Variants in UBE2F observed in about 807,000 individuals in gnomAD.
The protein encoded by UBE2F is ubiquitin conjugating enzyme E2 F (putative).
A neutral mutation model predicts 29.6 loss-of-function variants in UBE2F; 5 were observed. The observed-to-expected ratio is 0.17, with a 90% CI of 0.09 to 0.36. The LOEUF (loss-of-function observed/expected upper bound fraction) is 0.36, where lower values mean the gene tolerates loss of function less well. UBE2F is among the 10% of genes least tolerant of loss of function. The pLI is 1.00. For missense variants in UBE2F, 141 were observed against 228.5 expected, an observed-to-expected ratio of 0.62 and a Z score of 2.47; for synonymous variants, 66 against 81.8, an observed-to-expected ratio of 0.81 and a Z score of 1.04.
chr2:237,970,011 A>G (rs955860925), intron 1 of UBE2F, among the ~76,000 whole-genome samples: 1 of 152,170 alleles, frequency 6.6e-6, no homozygotes, highest in Non-Finnish European at 1.5e-5. Flanking sequence ...GAAATACACT[A>G]AATTGCCCAT....
intron 4 of UBE2F, among the ~76,000 whole-genome samples, chr2:238,009,074 T>C (rs1225826693): frequency 1.3e-5 from 2 of 152,266 alleles, no homozygotes; most frequent in African/African-American, 4.8e-5. Flanking sequence ...CTGCCTTCTG[T>C]ATTTTTTCCT....
At chr2:237,997,167 C>T (rs183099430) in intron 4 of UBE2F, among the ~76,000 whole-genome samples, 8 of 152,144 alleles carry the variant, frequency 5.3e-5, no homozygotes, top group Admixed American at 4.6e-4. Context: ...GTGGAGGTTG[C>T]AGTGAGCTGA....
At chr2:237,994,109 CT>C (rs34177204) in intron 3 of UBE2F, among the ~76,000 whole-genome samples, 88,008 of 122,174 alleles carry the variant, frequency 0.72, 31,608 homozygotes, top group East Asian at 0.94. Context: ...TCTTCTTCTT[CT>C]TTTTTTTTTT....
intron 5 of UBE2F, among the ~76,000 whole-genome samples, chr2:238,022,817 T>A (rs1378350521): frequency 1.3e-5 from 2 of 152,114 alleles, no homozygotes; most frequent in Non-Finnish European, 2.9e-5. Context: ...CATTGCTTGT[T>A]GGTCTAGCTG....
At chr2:238,016,699 C>T in intron 5 of UBE2F, 66 bp downstream of exon 5, 1 of 1,431,758 alleles carries the variant, frequency 7.0e-7, no homozygotes, top group Non-Finnish European at 9.7e-7. Context: ...CTGTGGCCCG[C>T]CACTGGCACA....
At chr2:238,030,407 A>G (rs1357024738) in intron 6 of UBE2F, 149 bp from the exon 7 acceptor site, 2 of 615,172 alleles carry the variant, frequency 3.3e-6, no homozygotes, top group Admixed American at 2.8e-5. Flanking sequence ...TGCCTTCCTC[A>G]GCAAGAGAAA....
chr2:237,976,734 A>C (rs1393736920), intron 2 of UBE2F, among the ~76,000 whole-genome samples: 1 of 152,138 alleles, frequency 6.6e-6, no homozygotes, highest in Non-Finnish European at 1.5e-5. Context: ...TAATACTACC[A>C]CAGTGGGGAT....
chr2:237,988,368 A>C (rs932872410), intron 3 of UBE2F, among the ~76,000 whole-genome samples: 1 of 152,020 alleles, frequency 6.6e-6, no homozygotes, highest in Non-Finnish European at 1.5e-5. Context: ...GAATCACTTG[A>C]ACCTGGGAGG....
At chr2:238,037,213 C>T (rs2064732005) in intron 9 of UBE2F, among the ~76,000 whole-genome samples, 1 of 152,112 alleles carries the variant, frequency 6.6e-6, no homozygotes, top group Non-Finnish European at 1.5e-5. Context: ...GACCGTTTAC[C>T]TAGAAACAAT....
rs775793394 is a variant in UBE2F, at chr2:238,040,399, T to C, written c.508-889T>C. 1.4e-4 allele frequency among the ~76,000 whole-genome samples: 22 copies of C among 152,154 alleles called. No homozygotes were observed. The highest frequency in any genetic ancestry group is 2.1e-4 in the Non-Finnish European group (14 of 68,022). On this transcript the variant is annotated intron_variant, in intron 9 of 9. Coordinates refer to ENST00000272930, the MANE Select transcript of UBE2F (RefSeq NM_080678.3). This position sits in a 1 kb window ranked among gnomAD's most constrained non-coding sequence, Gnocchi z 4.4. ...GAGGCTTAGACAGGAGGACTGAGGC[T>C]TAGCTAAGGAAATGGAGCTCATGCC... is the stretch of plus-strand genomic sequence containing the variant.
chr2:237,991,601 C>CTTTA (rs796466552), intron 3 of UBE2F, among the ~76,000 whole-genome samples: 1 of 30,892 alleles, frequency 3.2e-5, no homozygotes, highest in East Asian at 2.5e-3. Context: ...CTTTTCTTTT[C>CTTTA]TTTCTTTCTT....
intron 6 of UBE2F, 70 bp from the exon 7 acceptor site, chr2:238,030,486 G>A (rs2064548162): frequency 2.8e-6 from 3 of 1,067,892 alleles, no homozygotes; most frequent in African/African-American, 1.6e-5. Flanking sequence ...CACACCGAGA[G>A]GACTAGTTGG....
At chr2:237,991,591 C>CTTTT (rs2063588161) in intron 3 of UBE2F, among the ~76,000 whole-genome samples, 1 of 69,678 alleles carries the variant, frequency 1.4e-5, no homozygotes, top group Admixed American at 1.5e-4. Context: ...CTTAACCTTT[C>CTTTT]TTTTCTTTTC....
intron 1 of UBE2F, among the ~76,000 whole-genome samples, chr2:237,971,109 G>A (rs1048429718): frequency 1.3e-5 from 2 of 152,218 alleles, no homozygotes; most frequent in African/African-American, 4.8e-5. Flanking sequence ...AGAGACCTGG[G>A]TGAAAAATGG....
rs11293005 is a variant in UBE2F at position 237,996,476 on chromosome 2, G to GTTTTTTTTTTT, written c.214+1673_214+1683dup. On this transcript the variant is annotated intron_variant, in intron 4 of 9. Coordinates refer to ENST00000272930, the MANE Select transcript of UBE2F (RefSeq NM_080678.3). ...TGTTTCTTCCCCGCCTCCCCTCCGCGTTTTTTTTTTTTTTTTGAGACCAAG... is the reference window on the plus strand; with the variant it reads ...TGTTTCTTCCCCGCCTCCCCTCCGCGTTTTTTTTTTTTTTTTTTTTTTTTTTTGAGACCAAG... Among the ~76,000 whole-genome samples, 2 of 138,418 alleles carry GTTTTTTTTTTT rather than the reference G, an allele frequency of 1.4e-5. 1 individual carries two copies. The highest frequency in any genetic ancestry group is 5.3e-5 in the African/African-American group (2 of 37,942). 90.8% of individuals were successfully genotyped at this position (138,418 alleles called of 152,430 possible). A position where few individuals can be genotyped will look rare whatever the true frequency, so the allele number is the denominator to read the frequency against.
At chr2:238,017,525 C>T (rs545576709) in intron 5 of UBE2F, among the ~76,000 whole-genome samples, 3 of 152,070 alleles carry the variant, frequency 2.0e-5, no homozygotes, top group Non-Finnish European at 2.9e-5. Flanking sequence ...TGGGCATTTT[C>T]GATTTGGCAG....
chr2:237,986,482 G>T (rs1167721458), intron 2 of UBE2F, among the ~76,000 whole-genome samples: 1 of 151,970 alleles, frequency 6.6e-6, no homozygotes, highest in African/African-American at 2.4e-5. Context: ...TTTGCTGATT[G>T]TTTCCTTTAT....
chr2:238,025,235 C>A, intron 5 of UBE2F, 107 bp from the exon 6 acceptor site: 3 of 923,894 alleles, frequency 3.2e-6, no homozygotes, highest in Non-Finnish European at 5.2e-6. Context: ...CACACTGAGT[C>A]AGCCATGAAA....
chr2:238,006,900 C>T (rs2063920331), intron 4 of UBE2F, among the ~76,000 whole-genome samples: 1 of 151,918 alleles, frequency 6.6e-6, no homozygotes, highest in Non-Finnish European at 1.5e-5. Context: ...GGATTATAGG[C>T]ATGCACCACC....
Sources: allele counts gnomAD v4.1 joint callset (sites outside exome capture counted in the v4.1 genomes callset), GRCh38; gene constraint gnomAD v4.1.1; non-coding constraint Gnocchi (gnomAD v3.1); transcripts MANE v1.5; gene names NCBI Gene and HGNC (gene_info 2026-07-23, HGNC 2026-07-21).